Variants in HECW2 observed in about 807,000 individuals in gnomAD.
The protein encoded by HECW2 is E3 ubiquitin-protein ligase HECW2.
A neutral mutation model predicts 175.2 loss-of-function variants in HECW2; 61 were observed. That is an observed-to-expected ratio of 0.35 (90% CI 0.28 to 0.43). The LOEUF is 0.43. Ranked by LOEUF, HECW2 falls within the 20% of genes least tolerant of loss-of-function variation. The pLI, the probability that HECW2 is intolerant of heterozygous loss-of-function variation, is 1.00. For synonymous variants in HECW2, 671 were observed against 731.0 expected, an observed-to-expected ratio of 0.92 and a Z score of 1.32; for missense variants, 1,524 against 2,000.5, an observed-to-expected ratio of 0.76 and a Z score of 4.54.
rs1048146162 is a variant in HECW2, at chr2:196,319,547, C to T, written c.1343G>A (p.Arg448Lys). 2.5e-6 allele frequency: 4 copies of T among 1,613,236 alleles called. No individual in the cohort carries two copies. The highest frequency in any genetic ancestry group is 3.4e-6 in the Non-Finnish European group (4 of 1,179,492). ...ERSMGASPKLRSSFPTDTRLN... is the reference protein window; with the variant it reads ...ERSMGASPKLKSSFPTDTRLN... ...TCTTGTGTCAGTGGGAAAACTACTC[C>T]TCAGTTTCGGAGAGGCACCCATGGA... Residue 448 changes from arginine (R) to lysine (K), a missense_variant, in exon 9 of 29, where the codon AGG becomes AAG. Transcript: ENST00000644978.
chr2:196,514,975 G>A (rs1415644297), intron 1 of HECW2, among the ~76,000 whole-genome samples: 1 of 152,256 alleles, frequency 6.6e-6, no homozygotes, highest in Non-Finnish European at 1.5e-5. Flanking sequence ...CAGAAGGAGA[G>A]AAGCGGCCCT....
At chr2:196,593,319 G>C (rs577449888) in intron 1 of HECW2, among the ~76,000 whole-genome samples, 189 bp downstream of exon 1, 20 of 150,836 alleles carry the variant, frequency 1.3e-4, no homozygotes, top group African/African-American at 3.9e-4. Context: ...GTTTGTGGCC[G>C]AGCGCGGCGC....
intron 1 of HECW2, chr2:196,592,588 C>T (rs1051283978): frequency 6.6e-6 from 1 of 152,404 alleles, no homozygotes; most frequent in African/African-American, 2.4e-5. Flanking sequence ...ATGAAGCGTC[C>T]TCTCCCTCAA....
At chr2:196,387,622 A>C (rs1300563872) in intron 2 of HECW2, among the ~76,000 whole-genome samples, 2 of 152,212 alleles carry the variant, frequency 1.3e-5, no homozygotes, top group East Asian at 1.9e-4. Context: ...TTGAACAAAA[A>C]CACAAAACTT....
rs74895902 is a variant in HECW2 at position 196,563,933 on chromosome 2, T to C, written c.-36+29575A>G. Among the ~76,000 whole-genome samples, 40 of 152,310 alleles carry C rather than the reference T, an allele frequency of 2.6e-4. No homozygotes were observed. In the East Asian group the frequency reaches 7.3e-3, roughly 28 times the overall value. On this transcript the variant is annotated intron_variant, in intron 1 of 28. Coordinates refer to ENST00000644978, the MANE Select transcript of HECW2 (RefSeq NM_001348768.2). ...CCTAGAAGTACCTGGGAAAATATTA[T>C]TGGGGAATAGGATATTCACATGATC... is the stretch of plus-strand genomic sequence containing the variant.
At chr2:196,564,617 TTTTTTGCAGTTAGAAG>T (rs1210345981) in intron 1 of HECW2, among the ~76,000 whole-genome samples, 1 of 152,148 alleles carries the variant, frequency 6.6e-6, no homozygotes, top group African/African-American at 2.4e-5. Context: ...TATTTCAACT[TTTTTTGCAGTTAGAAG>T]TTTTTTTAAA....
intron 2 of HECW2, among the ~76,000 whole-genome samples, chr2:196,350,865 A>T (rs1693146811): frequency 6.6e-6 from 1 of 152,196 alleles, no homozygotes; most frequent in African/African-American, 2.4e-5. Flanking sequence ...TGCTTGATTC[A>T]TATGGTTCTG....
At chr2:196,253,294 A>G (rs768801631) in intron 19 of HECW2, among the ~76,000 whole-genome samples, 1 of 152,238 alleles carries the variant, frequency 6.6e-6, no homozygotes, top group Admixed American at 6.5e-5. Context: ...TACATCTGCT[A>G]TTCTGTCAAC....
chr2:196,429,171 G>A (rs1000325043), intron 2 of HECW2, among the ~76,000 whole-genome samples: 3 of 152,174 alleles, frequency 2.0e-5, no homozygotes, highest in African/African-American at 4.8e-5. Flanking sequence ...GGCAAGAACC[G>A]AGTCACATGT....
intron 2 of HECW2, among the ~76,000 whole-genome samples, chr2:196,369,221 G>T (rs922620653): frequency 6.6e-6 from 1 of 152,170 alleles, no homozygotes; most frequent in African/African-American, 2.4e-5. Context: ...TAGTAACAGC[G>T]TGAGTCTTGC....
chr2:196,328,069 T>A (rs555542563), intron 5 of HECW2, among the ~76,000 whole-genome samples: 189 of 152,256 alleles, frequency 1.2e-3, no homozygotes, highest in African/African-American at 3.9e-3. Context: ...TAAAAAAATT[T>A]TTTTTACCTG....
intron 1 of HECW2, among the ~76,000 whole-genome samples, chr2:196,471,555 A>G (rs980839645): frequency 1.3e-5 from 2 of 152,238 alleles, no homozygotes; most frequent in African/African-American, 4.8e-5. Context: ...GCAAAGACAT[A>G]GAATTAACCT....
rs1223543000 is a variant in HECW2 at position 196,319,634 on chromosome 2, T to C, written c.1256A>G (p.Tyr419Cys). Residue 419 changes from tyrosine to cysteine, a missense_variant, in exon 9 of 29, where the codon TAC (tyrosine) becomes TGC (cysteine). This residue lies in a region of HECW2 where 604 missense variants were observed against 588.3 expected (regional missense o/e 1.03). Coordinates refer to ENST00000644978, the MANE Select transcript of HECW2 (RefSeq NM_001348768.2). The part of the protein sequence containing the change: ...PRGRQDSLND[Y>C]LDAIEHNGHS... The stretch of plus-strand genomic sequence containing the variant: ...GCCATTGTGTTCGATAGCATCTAAG[T>C]AATCATTGAGTGAATCCTGACGTCC... 1.2e-6 allele frequency: 2 copies of C among 1,614,232 alleles called. No homozygotes were observed. The highest frequency in any genetic ancestry group is 2.2e-5 in the South Asian group (2 of 91,088).
chr2:196,438,506 G>A (rs912479477), intron 1 of HECW2, among the ~76,000 whole-genome samples: 12 of 151,854 alleles, frequency 7.9e-5, no homozygotes, highest in Non-Finnish European at 1.3e-4. Context: ...CACATTTCAC[G>A]TCCTCCACAG....
chr2:196,504,728 G>C (rs1334713928), intron 1 of HECW2, among the ~76,000 whole-genome samples: 1 of 152,206 alleles, frequency 6.6e-6, no homozygotes, highest in Non-Finnish European at 1.5e-5. Context: ...TTGGGACAGA[G>C]AGTGTATGAA....
At chr2:196,430,785 C>T (rs187709433) in intron 2 of HECW2, among the ~76,000 whole-genome samples, 2 of 152,058 alleles carry the variant, frequency 1.3e-5, no homozygotes, top group East Asian at 1.9e-4. Context: ...ACGAGAGCCT[C>T]GGGGCCTTGC....
intron 1 of HECW2, among the ~76,000 whole-genome samples, chr2:196,575,121 C>A (rs1282449854): frequency 3.8e-5 from 4 of 105,990 alleles, no homozygotes; most frequent in Admixed American, 1.8e-4. Context: ...AGATCCCGAA[C>A]AGACATTTTG....
At position 196,483,094 on chromosome 2, in the gene HECW2, T is replaced by TAAAAA. The variant is rs370614949; in HGVS notation, c.-35-49641_-35-49637dup. 4.2e-3 allele frequency among the ~76,000 whole-genome samples: 469 copies of TAAAAA among 110,380 alleles called. 3 individuals carry two copies. Among genetic ancestry groups the TAAAAA allele is most frequent in the Non-Finnish European group, 6.0e-3 (312 of 51,862 alleles). The allele number at this position is 110,380 out of a possible 152,430, so 72.4% of individuals were successfully genotyped here. A position where few individuals can be genotyped will look rare whatever the true frequency, so the allele number is the denominator to read the frequency against. On this transcript the variant is annotated intron_variant, in intron 1 of 28. Transcript: ENST00000644978. ...ACAATGTGTGTTGATTTCATAGTTG[T>TAAAAA]AAAAAAAAAAAAAAAAAAAAGCACC...
At chr2:196,295,608 G>A (rs951783975) in intron 13 of HECW2, among the ~76,000 whole-genome samples, 7 of 151,988 alleles carry the variant, frequency 4.6e-5, no homozygotes, top group Non-Finnish European at 7.4e-5. Context: ...CCTCTTTATC[G>A]CCTTCACTGC....
Sources: allele counts gnomAD v4.1 joint callset (sites outside exome capture counted in the v4.1 genomes callset), GRCh38; gene constraint gnomAD v4.1.1; regional missense constraint gnomAD v4.1.1; transcripts MANE v1.5; gene names NCBI Gene and HGNC (gene_info 2026-07-23, HGNC 2026-07-21).